NEB: variants seen among roughly 807,000 people sequenced by gnomAD.
NEB encodes the protein nemaline myopathy type 2.
In NEB, 512 loss-of-function variants were observed where a neutral mutation model predicts 952.2. That is an observed-to-expected ratio of 0.54 (90% confidence interval 0.50 to 0.58). NEB has a LOEUF of 0.58. Among genes scored for constraint, NEB ranks in the 20% least tolerant of loss-of-function variants. NEB has a pLI of 0.00. For synonymous variants in NEB, 2,900 were observed against 3,149.8 expected (o/e 0.92, Z 2.66); for missense variants, 8,428 against 9,231.1 (o/e 0.91, Z 3.56).
At chr2:151,541,389 C>G in intron 136 of NEB, 58 bp downstream of exon 136, 1 of 1,354,378 alleles carries the variant, frequency 7.4e-7, no homozygotes, top group East Asian at 2.3e-5. Flanking sequence ...TGAGGCCAGG[C>G]ACATATAATC....
chr2:151,617,704 A>G (rs1440641024), intron 74 of NEB, among the ~76,000 whole-genome samples: 1 of 152,126 alleles, frequency 6.6e-6, no homozygotes, highest in Non-Finnish European at 1.5e-5. Context: ...AATAATTTAT[A>G]GGAAAGAGTT....
intron 69 of NEB, 82 bp from the exon 70 acceptor site, chr2:151,627,287 C>T (rs972827044): frequency 4.0e-6 from 6 of 1,485,694 alleles, no homozygotes; most frequent in Non-Finnish European, 5.4e-6. Flanking sequence ...CACTAGAAAG[C>T]TTGGATAGTC....
chr2:151,622,018 T>C (rs897008728), intron 71 of NEB, among the ~76,000 whole-genome samples: 1 of 152,150 alleles, frequency 6.6e-6, no homozygotes, highest in South Asian at 2.1e-4. Context: ...TTATTGTTGT[T>C]TTTTGTTTTT....
Position 151,650,619 on chromosome 2 carries a change from C to G in NEB, c.7182G>C (p.Gln2394His). The change falls in exon 53 of 182, where the codon CAG (glutamine) becomes CAC (histidine). Residue 2394 changes from glutamine to histidine, a missense_variant. Around this residue, in one of 11 missense-constraint regions of NEB, gnomAD observed 1,772 missense variants for 1,960.3 expected, o/e 0.90. Transcript: ENST00000397345. ...YLHQWTCLPD[Q>H]NDVVQAKKVY... ...CTTTCTTAGCTTGCACAACATCGTT[C>G]TGATCAGGCAGACATGTCCACTGAT... The G allele has an allele frequency of 6.2e-7, 1 of 1,606,634 alleles. No individual in the cohort carries two copies.
rs750321888 is a variant in NEB at position 151,697,541 on chromosome 2, T to C, written c.1257+3A>G. 1 of 1,609,486 alleles carries C rather than the reference T, an allele frequency of 6.2e-7. No individual in the cohort carries two copies. Among genetic ancestry groups the C allele is most frequent in the Admixed American group, 1.7e-5 (1 of 59,692 alleles). ...CAGAAAGAGTGACAGTAGGATTGCT[T>C]ACATCACTACTGAAGTTCTGCAGAA... On this transcript the variant is annotated splice_donor_region_variant and intron_variant, in intron 14 of 181. Transcript: ENST00000397345.
At chr2:151,702,156 T>C (rs1178410632) in intron 13 of NEB, among the ~76,000 whole-genome samples, 2 of 147,492 alleles carry the variant, frequency 1.4e-5, no homozygotes, top group African/African-American at 5.0e-5. Flanking sequence ...GTTGTTCAGT[T>C]TCCATGTAGT....
In NEB at chr2:151,617,486, AAAGAGAG is replaced by A; in HGVS notation, c.11077-25_11077-19del. 1 of 1,371,008 alleles carries A rather than the reference AAAGAGAG, an allele frequency of 7.3e-7. No homozygotes were observed. Among genetic ancestry groups the A allele is most frequent in the Non-Finnish European group, 9.9e-7 (1 of 1,015,150 alleles). 84.9% of individuals were successfully genotyped at this position (1,371,008 alleles called of 1,614,324 possible). On this transcript the variant is annotated intron_variant, in intron 74 of 181. Coordinates refer to ENST00000397345, the MANE Select transcript of NEB (RefSeq NM_001164508.2). Reference sequence around the variant, plus strand: ...TATAAGCGCTACAAAAAAAAAAAAAAAAGAGAGAGAGAGAGAGAAAAATTATTTTGGT... The same window carrying A: ...TATAAGCGCTACAAAAAAAAAAAAAAAGAGAGAGAGAAAAATTATTTTGGT...
chr2:151,557,294 T>C (rs2095714526), intron 124 of NEB, among the ~76,000 whole-genome samples: 1 of 152,090 alleles, frequency 6.6e-6, no homozygotes, highest in Non-Finnish European at 1.5e-5. Context: ...CCTGGACACA[T>C]ACACCCTCCC....
At chr2:151,689,027 C>T (rs1017005746) in intron 24 of NEB, among the ~76,000 whole-genome samples, 1 of 152,056 alleles carries the variant, frequency 6.6e-6, no homozygotes. Flanking sequence ...TGTAACCATA[C>T]TTTGGGCTGC....
At position 151,554,912 on chromosome 2, in the gene NEB, G is replaced by A. The variant is rs1269472934; in HGVS notation, c.19428+19C>T. 2 of 1,518,228 alleles carry A rather than the reference G, an allele frequency of 1.3e-6. No individual in the cohort carries two copies. The allele number at this position is 1,518,228 out of a possible 1,614,324, so 94.0% of individuals were successfully genotyped here. A position where few individuals can be genotyped will look rare whatever the true frequency, so the allele number is the denominator to read the frequency against. The stretch of plus-strand genomic sequence containing the variant: ...TCAGAATGTATCCTAGTCATTAAGG[G>A]GCGCATGACCGTACTTACATCGATG... On this transcript the variant is annotated intron_variant, in intron 125 of 181. Transcript: ENST00000397345.
intron 170 of NEB, chr2:151,498,037 T>G (rs569936628): frequency 6.9e-7 from 1 of 1,445,338 alleles, no homozygotes; most frequent in Non-Finnish European, 9.1e-7. Context: ...TCCACACAAA[T>G]GGAAACATTC....
intron 27 of NEB, 147 bp from the exon 28 acceptor site, chr2:151,685,122 A>T: frequency 2.5e-6 from 2 of 815,464 alleles, no homozygotes; most frequent in Non-Finnish European, 3.8e-6. Context: ...TTCATATGTT[A>T]CATACCATTG....
chr2:151,664,032 T>C (rs199709120), intron 44 of NEB, among the ~76,000 whole-genome samples, 173 bp from the exon 45 acceptor site: 6 of 129,090 alleles, frequency 4.6e-5, no homozygotes, highest in East Asian at 4.8e-4. Flanking sequence ...TTTTTTTTTT[T>C]CCCGAGACTT....
chr2:151,501,548 A>T, intron 167 of NEB, 65 bp from the exon 168 acceptor site: 1 of 854,142 alleles, frequency 1.2e-6, no homozygotes, highest in Non-Finnish European at 1.7e-6. Flanking sequence ...GACTTAACCT[A>T]AAAAAACAGC....
intron 142 of NEB, among the ~76,000 whole-genome samples, chr2:151,535,361 A>G (rs1310703287): frequency 6.6e-6 from 1 of 152,178 alleles, no homozygotes; most frequent in Non-Finnish European, 1.5e-5. Flanking sequence ...AGATTGTGTA[A>G]TATATAAGGG....
chr2:151,497,365 T>C (rs373834327), intron 171 of NEB: 17 of 982,016 alleles, frequency 1.7e-5, no homozygotes, highest in Middle Eastern at 5.2e-4. Flanking sequence ...AGTGGTGTTA[T>C]CCACACAAAC....
At chr2:151,497,912 G>A in intron 170 of NEB, 194 bp from the exon 171 acceptor site, 1 of 1,473,280 alleles carries the variant, frequency 6.8e-7, no homozygotes, top group Non-Finnish European at 8.9e-7. Context: ...AGGGACTTCA[G>A]CTGCTGAGGA....
At chr2:151,640,718 C>A in intron 60 of NEB, 52 bp from the exon 61 acceptor site, 1 of 1,541,650 alleles carries the variant, frequency 6.5e-7, no homozygotes, top group Non-Finnish European at 8.8e-7. Flanking sequence ...TAGTAAAAAG[C>A]AATCACTAAG....
At chr2:151,609,406 AAT>A (rs1453428066) in intron 81 of NEB, among the ~76,000 whole-genome samples, 4 of 152,056 alleles carry the variant, frequency 2.6e-5, no homozygotes, top group African/African-American at 9.7e-5. Context: ...CATGAATAAT[AAT>A]ATATATAGTA....
Sources: allele counts gnomAD v4.1 joint callset (sites outside exome capture counted in the v4.1 genomes callset), GRCh38; gene constraint gnomAD v4.1.1; regional missense constraint gnomAD v4.1.1; transcripts MANE v1.5; gene names NCBI Gene and HGNC (gene_info 2026-07-23, HGNC 2026-07-21).